The following CRNKL1 variants were observed in gnomAD, a reference collection of about 807,000 sequenced individuals.
CRNKL1 encodes the protein crooked neck-like protein 1.
A neutral mutation model predicts 103.7 loss-of-function variants in CRNKL1; 35 were observed. The observed-to-expected ratio is 0.34, with a 90% CI of 0.26 to 0.45. The LOEUF (loss-of-function observed/expected upper bound fraction) is 0.45. Among genes scored for constraint, CRNKL1 ranks in the 20% least tolerant of loss-of-function variants. The pLI is 1.00. For missense variants in CRNKL1, 645 were observed against 836.0 expected, an observed-to-expected ratio of 0.77 and a Z score of 2.82; for synonymous variants, 267 against 282.6, an observed-to-expected ratio of 0.94 and a Z score of 0.55.
chr20:20,045,730 G>A (rs2043583837), intron 5 of CRNKL1, among the ~76,000 whole-genome samples: 1 of 152,142 alleles, frequency 6.6e-6, no homozygotes, highest in Non-Finnish European at 1.5e-5. Context: ...ATAAACTCGA[G>A]TTGGAAGCAA....
upstream of CRNKL1, chr20:20,052,697 G>C: frequency 6.2e-7 from 1 of 1,612,118 alleles, no homozygotes; most frequent in African/African-American, 1.3e-5. Flanking sequence ...AGGCGAGGAC[G>C]AGTGGCTCTG....
upstream of CRNKL1, among the ~76,000 whole-genome samples, chr20:20,054,160 A>G (rs1354141654): frequency 6.6e-6 from 1 of 151,406 alleles, no homozygotes; most frequent in Non-Finnish European, 1.5e-5. Flanking sequence ...TATTCTTCTC[A>G]GAATATACCA....
chr20:20,048,559 T>G, intron 3 of CRNKL1, 58 bp from the exon 4 acceptor site: 1 of 1,557,608 alleles, frequency 6.4e-7, no homozygotes, highest in South Asian at 1.1e-5. Flanking sequence ...ATGTAGCAGT[T>G]ATTTCAAACT....
At chr20:20,042,185 CTGTA>C (rs2043524239) in intron 8 of CRNKL1, 136 bp downstream of exon 8, 1 of 706,334 alleles carries the variant, frequency 1.4e-6, no homozygotes, top group Non-Finnish European at 2.2e-6. Context: ...GAATATATAA[CTGTA>C]TGGATGAACA....
rs756134981 is a variant in CRNKL1, at chr20:20,052,296, G to A, written c.47C>T (p.Ala16Val). 1 of 1,609,664 alleles carries A rather than the reference G, an allele frequency of 6.2e-7. No homozygotes were observed. Among genetic ancestry groups the A allele is most frequent in the Non-Finnish European group, 8.5e-7 (1 of 1,179,106 alleles). ...AGGCCCCTCGCGATCGCCTACCTTG[G>A]CCACTTTGGGAATCCGCTGCTTCCC... The part of the protein sequence containing the change: ...AAGKQRIPKV[A>V]KVKNKAPAEV... Residue 16 changes from alanine to valine, a missense_variant, in exon 1 of 14, where the codon GCC becomes GTC. Coordinates refer to ENST00000536226, the MANE Select transcript of CRNKL1 (RefSeq NM_001278628.2).
At chr20:20,044,281 C>A (rs2043560314) in intron 6 of CRNKL1, among the ~76,000 whole-genome samples, 1 of 152,180 alleles carries the variant, frequency 6.6e-6, no homozygotes, top group African/African-American at 2.4e-5. Context: ...AATCACTGTC[C>A]CGCTTAAAAC....
chr20:20,049,759 A>C (rs1186578548), intron 2 of CRNKL1, among the ~76,000 whole-genome samples: 1 of 152,008 alleles, frequency 6.6e-6, no homozygotes, highest in Admixed American at 6.6e-5. Context: ...GTCAAATCAG[A>C]TCCCAAAGTC....
In CRNKL1 at chr20:20,043,633, A is replaced by G. The variant is rs747256869; in HGVS notation, c.831T>C (p.Tyr277=). 4 of 1,613,890 alleles carry G rather than the reference A, an allele frequency of 2.5e-6. No individual in the cohort carries two copies. Among genetic ancestry groups the G allele is most frequent in the Non-Finnish European group, 3.4e-6 (4 of 1,179,902 alleles). Residue 277 remains tyrosine, a synonymous_variant, in exon 7 of 14, where the codon TAT becomes TAC. Transcript: ENST00000536226. The part of the protein sequence containing the change: ...EFERVRVIYK[Y]ALDRISKQDA... ...CTTGTTTTGAAATTCTGTCCAGGGCATACTTGTAAATCACTCGTACCCTTT... is the reference window on the plus strand; with the variant it reads ...CTTGTTTTGAAATTCTGTCCAGGGCGTACTTGTAAATCACTCGTACCCTTT...
chr20:20,055,792 T>C (rs1352596267), upstream of CRNKL1, among the ~76,000 whole-genome samples: 3 of 152,240 alleles, frequency 2.0e-5, no homozygotes, highest in South Asian at 4.1e-4. Context: ...TAGACATTAT[T>C]AATTTCTCCT....
chr20:20,035,532 A>G lies in CRNKL1; in HGVS notation c.*663T>C, dbSNP rs1429000004. On this transcript the variant is annotated 3_prime_UTR_variant, in exon 14 of 14. Transcript: ENST00000536226. ...TTTCTGAACCTTGTTCAGAAATATA[A>G]TCACTGCAAATTATTTTCCAAGTGT... 6.6e-6 allele frequency: 1 copy of G among 152,232 alleles called. No individual in the cohort carries two copies. Among genetic ancestry groups the G allele is most frequent in the Non-Finnish European group, 1.5e-5 (1 of 68,030 alleles). The allele number at this position is 152,232 out of a possible 1,614,324, so 9.4% of individuals were successfully genotyped here.
rs769103454 is a variant in CRNKL1 at position 20,037,545 on chromosome 20, C to T, written c.1674G>A (p.Glu558=). The T allele has an allele frequency of 1.2e-6, 2 of 1,613,942 alleles. No homozygotes were observed. Among genetic ancestry groups the T allele is most frequent in the Non-Finnish European group, 8.5e-7 (1 of 1,180,038 alleles). The change falls in exon 13 of 14, where the codon GAG becomes GAA. Residue 558 remains glutamate, a synonymous_variant. Coordinates refer to ENST00000536226, the MANE Select transcript of CRNKL1 (RefSeq NM_001278628.2). ...VKVWISFAQF[E]LSSGKEGSLT... ...AACTTCCTTCTTTTCCTGAAGACAA[C>T]TCAAACTGAGCAAAGCTGATCCATA...
rs1156229192 is a variant in CRNKL1, at chr20:20,052,418, C to T, written c.-76G>A. 2 of 1,614,236 alleles carry T rather than the reference C, an allele frequency of 1.2e-6. No individual in the cohort carries two copies. The highest frequency in any genetic ancestry group is 3.3e-5 in the Admixed American group (2 of 60,032). ...ATCGGCTCTGAGAGCTCACCGAAAC[C>T]ACAAAGCTTTCAGAAAACAAACAGG... On this transcript the variant is annotated 5_prime_UTR_variant, in exon 1 of 14. Transcript: ENST00000536226.
In CRNKL1 at chr20:20,041,581, T is replaced by A; in HGVS notation, c.1209A>T (p.Leu403=). The change falls in exon 9 of 14, where the codon CTA becomes CTT. Residue 403 remains leucine (L), a synonymous_variant. Coordinates refer to ENST00000536226, the MANE Select transcript of CRNKL1 (RefSeq NM_001278628.2). ...TRQVYQASLE[L]IPHKKFTFAK... Reference sequence around the variant, plus strand: ...GCAAACATACCTTTTTGTGAGGAATTAGTTCCAAAGAGGCTTGATACACCT... The same window carrying A: ...GCAAACATACCTTTTTGTGAGGAATAAGTTCCAAAGAGGCTTGATACACCT... The A allele has an allele frequency of 7.4e-6, 12 of 1,613,446 alleles. No individual in the cohort carries two copies. Among genetic ancestry groups the A allele is most frequent in the Non-Finnish European group, 1.0e-5 (12 of 1,179,380 alleles).
intron 12 of CRNKL1, 64 bp downstream of exon 12, chr20:20,038,285 A>T: frequency 2.1e-6 from 2 of 975,030 alleles, no homozygotes; most frequent in Non-Finnish European, 3.1e-6. Flanking sequence ...ATACAGAAAT[A>T]TATCATTTTC....
Position 20,036,296 on chromosome 20 carries a change from G to C in CRNKL1, c.1963C>G (p.Leu655Val). The C allele has an allele frequency of 6.2e-7, 1 of 1,614,216 alleles. No homozygotes were observed. ...AGTTTGGCCATGGCCAGGAGTTTGA[G>C]GTTAGGTTGGTTGGCAGCATCTTCT... ...FPEDAANQPN[L>V]KLLAMAKLWK... Residue 655 changes from leucine to valine, a missense_variant, in exon 14 of 14, where the codon CTC becomes GTC. Physicochemically the swap from Leu to Val is conservative, Grantham distance 32. Around this residue, in one of 2 missense-constraint regions of CRNKL1, gnomAD observed 582 missense variants for 707.7 expected, o/e 0.82. Transcript: ENST00000536226.
In CRNKL1 at chr20:20,040,058, T is replaced by C. The variant is rs192694342; in HGVS notation, c.1306-210A>G. Among the ~76,000 whole-genome samples the C allele has an allele frequency of 5.3e-4, 80 of 152,324 alleles. 1 individual carries two copies. The highest frequency in any genetic ancestry group is 2.2e-4 in the Non-Finnish European group (15 of 68,028). Reference sequence around the variant, plus strand: ...CTCTAATTCACTCAGCAAGAGGCAGTGTTCCAGAATTGTTTGGGCAACTAA... The same window carrying C: ...CTCTAATTCACTCAGCAAGAGGCAGCGTTCCAGAATTGTTTGGGCAACTAA... On this transcript the variant is annotated intron_variant, in intron 10 of 13. Transcript: ENST00000536226.
rs2043411509 is a variant in CRNKL1, at chr20:20,035,883, ATCTT to A, written c.*308_*311del. The A allele has an allele frequency of 4.5e-6, 1 of 220,256 alleles. No individual in the cohort carries two copies. Among genetic ancestry groups the A allele is most frequent in the Admixed American group, 5.2e-5 (1 of 19,210 alleles). The allele number at this position is 220,256 out of a possible 1,614,324, so 13.6% of individuals were successfully genotyped here. ...CACATTTCAGATGAATGCATAAACT[ATCTT>A]TATGGGTATGACATGAAAAGTAACT... is the stretch of plus-strand genomic sequence containing the variant. On this transcript the variant is annotated 3_prime_UTR_variant, in exon 14 of 14. Coordinates refer to ENST00000536226, the MANE Select transcript of CRNKL1 (RefSeq NM_001278628.2).
rs1335187407 is a variant in CRNKL1 at position 20,034,475 on chromosome 20, A to C, written c.*1720T>G. Reference sequence around the variant, plus strand: ...AATAGCTTTTTTCCTTCCAGCTTTCACACTGGCACATGCTTATTACAATTC... The same window carrying C: ...AATAGCTTTTTTCCTTCCAGCTTTCCCACTGGCACATGCTTATTACAATTC... On this transcript the variant is annotated 3_prime_UTR_variant, in exon 14 of 14. Coordinates refer to ENST00000536226, the MANE Select transcript of CRNKL1 (RefSeq NM_001278628.2). The C allele has an allele frequency of 6.6e-6, 1 of 152,208 alleles. No homozygotes were observed. Among genetic ancestry groups the C allele is most frequent in the Non-Finnish European group, 1.5e-5 (1 of 68,036 alleles). 9.4% of individuals were successfully genotyped at this position (152,208 alleles called of 1,614,324 possible).
intron 5 of CRNKL1, among the ~76,000 whole-genome samples, chr20:20,045,728 G>C (rs1471864281): frequency 1.3e-5 from 2 of 152,114 alleles, no homozygotes; most frequent in Non-Finnish European, 2.9e-5. Flanking sequence ...GTATAAACTC[G>C]AGTTGGAAGC....
Sources: allele counts gnomAD v4.1 joint callset (sites outside exome capture counted in the v4.1 genomes callset), GRCh38; gene constraint gnomAD v4.1.1; regional missense constraint gnomAD v4.1.1; transcripts MANE v1.5; gene names NCBI Gene and HGNC (gene_info 2026-07-23, HGNC 2026-07-21).